Variants in FLACC1 observed in about 807,000 individuals in gnomAD.
FLACC1 encodes flagellum-associated coiled-coil domain-containing protein 1.
FLACC1 carries 66 observed loss-of-function variants against 62.8 expected under a neutral mutation model. The observed-to-expected ratio is 1.05, with a 90% CI of 0.86 to 1.29. FLACC1 has a LOEUF of 1.29. Ranked by LOEUF, FLACC1 falls within the 50% of genes most tolerant of loss-of-function variation. The probability of loss-of-function intolerance (pLI) is 0.00; values close to 1 mark genes in which losing one functional copy is unlikely to be tolerated. For missense variants in FLACC1, 452 were observed against 489.1 expected (o/e 0.92, Z 0.71); for synonymous variants, 156 against 161.0 (o/e 0.97, Z 0.24).
intron 4 of FLACC1, 33 bp downstream of exon 4, chr2:201,348,218 ATTT>A: frequency 6.2e-7 from 1 of 1,603,190 alleles, no homozygotes; most frequent in Non-Finnish European, 8.5e-7. Context: ...CACTCAATAA[ATTT>A]TAGTCCCACC....
chr2:201,344,969 C>A (rs1465730875), intron 5 of FLACC1, among the ~76,000 whole-genome samples: 1 of 152,126 alleles, frequency 6.6e-6, no homozygotes, highest in African/African-American at 2.4e-5. Flanking sequence ...GGAGACAGTT[C>A]AAGGGTAAGA....
At chr2:201,289,892 T>G in intron 12 of FLACC1, 107 bp from the exon 13 acceptor site, 3 of 1,590,532 alleles carry the variant, frequency 1.9e-6, no homozygotes, top group Non-Finnish European at 2.6e-6. Flanking sequence ...GAGCTACTTT[T>G]GCATCACTCA....
intron 1 of FLACC1, among the ~76,000 whole-genome samples, chr2:201,352,750 T>C (rs1449824946): frequency 6.6e-6 from 1 of 152,226 alleles, no homozygotes; most frequent in African/African-American, 2.4e-5. Context: ...CTATACCGCA[T>C]GTCCTAATCC....
At chr2:201,342,346 A>G in intron 7 of FLACC1, 24 bp downstream of exon 7, 1 of 1,613,644 alleles carries the variant, frequency 6.2e-7, no homozygotes, top group Admixed American at 1.7e-5. Flanking sequence ...CAACACACAC[A>G]AGGGTCCATG....
rs1256287431 is a variant in FLACC1 at position 201,299,275 on chromosome 2, T to A, written c.905A>T (p.Asp302Val). The A allele has an allele frequency of 5.0e-6, 8 of 1,613,674 alleles. No individual in the cohort carries two copies. The highest frequency in any genetic ancestry group is 5.9e-6 in the Non-Finnish European group (7 of 1,179,866). ...TCTCAGCTCTTCTAATTGCAAGGTGTCACTTTGATGTTGTTTCAAGAGCTC... is the reference window on the plus strand; with the variant it reads ...TCTCAGCTCTTCTAATTGCAAGGTGACACTTTGATGTTGTTTCAAGAGCTC... The part of the protein sequence containing the change: ...KEELLKQHQS[D>V]TLQLEELRKT... Residue 302 changes from aspartate to valine, a missense_variant, in exon 12 of 15, where the codon GAC becomes GTC. Coordinates refer to ENST00000392257, the MANE Select transcript of FLACC1 (RefSeq NM_001127391.3).
intron 9 of FLACC1, among the ~76,000 whole-genome samples, chr2:201,315,883 T>A (rs1184323246): frequency 6.6e-6 from 1 of 152,028 alleles, no homozygotes; most frequent in Admixed American, 6.6e-5. Flanking sequence ...AAACTGGAAA[T>A]CAACTCCAAA....
At chr2:201,296,725 A>G (rs1156774072) in intron 12 of FLACC1, among the ~76,000 whole-genome samples, 1 of 152,216 alleles carries the variant, frequency 6.6e-6, no homozygotes, top group Non-Finnish European at 1.5e-5. Context: ...TGGCTGGAAT[A>G]GAGATAGTAA....
intron 9 of FLACC1, among the ~76,000 whole-genome samples, chr2:201,323,892 T>C (rs1950455075): frequency 7.0e-6 from 1 of 142,292 alleles, no homozygotes; most frequent in Admixed American, 6.9e-5. Flanking sequence ...CGCACCAAAA[T>C]AGAATCTCTT....
At chr2:201,351,738 GTT>G in intron 1 of FLACC1, 1 of 215,776 alleles carries the variant, frequency 4.6e-6, no homozygotes, top group Non-Finnish European at 9.4e-6. Context: ...GAGGTCAGGA[GTT>G]TGAGACCAGC....
At chr2:201,310,088 C>T (rs1342709556) in intron 9 of FLACC1, among the ~76,000 whole-genome samples, 1 of 151,896 alleles carries the variant, frequency 6.6e-6, no homozygotes, top group African/African-American at 2.4e-5. Flanking sequence ...GCTCAGATTT[C>T]ATGAACATGG....
intron 12 of FLACC1, among the ~76,000 whole-genome samples, chr2:201,297,548 G>A: frequency 6.6e-6 from 1 of 152,190 alleles, no homozygotes; most frequent in Non-Finnish European, 1.5e-5. Context: ...TGCAAGGAGA[G>A]AATGATCAAT....
chr2:201,307,285 T>G (rs551415000), intron 11 of FLACC1, among the ~76,000 whole-genome samples: 46 of 152,370 alleles, frequency 3.0e-4, no homozygotes, highest in African/African-American at 1.1e-3. Flanking sequence ...TTCCAGTTAA[T>G]TAAAATTTTT....
chr2:201,334,214 T>A (rs2125598470), intron 7 of FLACC1, among the ~76,000 whole-genome samples: 1 of 152,342 alleles, frequency 6.6e-6, no homozygotes, highest in South Asian at 2.1e-4. Flanking sequence ...TGTCTTCTTT[T>A]GAGAAGTGTC....
intron 7 of FLACC1, among the ~76,000 whole-genome samples, chr2:201,338,510 C>G (rs1950740665): frequency 6.6e-6 from 1 of 151,994 alleles, no homozygotes; most frequent in African/African-American, 2.4e-5. Flanking sequence ...CAACTTTTCC[C>G]TGTTCAGTAT....
At chr2:201,296,260 C>T (rs566441063) in intron 12 of FLACC1, among the ~76,000 whole-genome samples, 1 of 152,002 alleles carries the variant, frequency 6.6e-6, no homozygotes, top group Non-Finnish European at 1.5e-5. Context: ...TTGGAACCAA[C>T]CCAAATGTCG....
chr2:201,299,426 A>G (rs1949932947), intron 11 of FLACC1, 126 bp from the exon 12 acceptor site: 2 of 675,890 alleles, frequency 3.0e-6, no homozygotes, highest in East Asian at 5.4e-5. Context: ...GCTATAATGA[A>G]GCACACATTA....
intron 7 of FLACC1, 65 bp downstream of exon 7, chr2:201,342,305 C>A (rs1950824586): frequency 1.9e-6 from 3 of 1,544,988 alleles, no homozygotes; most frequent in Non-Finnish European, 2.7e-6. Context: ...GAACTAAAAT[C>A]CTGCAAAGGA....
chr2:201,295,642 A>G (rs1411148880), intron 12 of FLACC1, among the ~76,000 whole-genome samples: 1 of 152,202 alleles, frequency 6.6e-6, no homozygotes, highest in East Asian at 1.9e-4. Context: ...AATGGCAACA[A>G]AAGCCTAAAT....
chr2:201,303,178 G>T (rs1014942928), intron 11 of FLACC1, among the ~76,000 whole-genome samples: 2 of 151,734 alleles, frequency 1.3e-5, no homozygotes, highest in Non-Finnish European at 2.9e-5. Flanking sequence ...TTGATAGACC[G>T]CTAGCAAGAC....
Sources: allele counts gnomAD v4.1 joint callset (sites outside exome capture counted in the v4.1 genomes callset), GRCh38; gene constraint gnomAD v4.1.1; transcripts MANE v1.5; gene names NCBI Gene and HGNC (gene_info 2026-07-23, HGNC 2026-07-21).